Variants in FRMD4A observed in about 807,000 individuals in gnomAD.
FRMD4A encodes the protein FERM domain containing 4A, also known as FERM domain-containing protein 4A.
A neutral mutation model predicts 129.1 loss-of-function variants in FRMD4A; 29 were observed. That is an observed-to-expected ratio of 0.22 (90% CI 0.17 to 0.31). The LOEUF (loss-of-function observed/expected upper bound fraction) is 0.31, where lower values mean the gene tolerates loss of function less well. Ranked by LOEUF, FRMD4A falls within the 10% of genes least tolerant of loss-of-function variation. FRMD4A has a pLI of 1.00. For missense variants in FRMD4A, 1,272 were observed against 1,375.8 expected (o/e 0.92, Z 1.19); for synonymous variants, 634 against 571.6 (o/e 1.11, Z -1.56).
In FRMD4A at chr10:14,010,664, C is replaced by CTTTTTTTTTTTTTTTTTTTTTTTT. The variant is rs779471389; in HGVS notation, c.46-151776_46-151753dup. Among the ~76,000 whole-genome samples the CTTTTTTTTTTTTTTTTTTTTTTTT allele has an allele frequency of 7.9e-5, 6 of 76,428 alleles. 1 individual carries two copies. The East Asian group carries it at 2.6e-3, about 33-fold the overall frequency. 50.1% of individuals were successfully genotyped at this position (76,428 alleles called of 152,430 possible). On this transcript the variant is annotated intron_variant, in intron 2 of 24. Coordinates refer to ENST00000357447, the MANE Select transcript of FRMD4A (RefSeq NM_018027.5). ...TCAAAATTAATTGTCGAGTTTAGGT[C>CTTTTTTTTTTTTTTTTTTTTTTTT]TTTTTTTTTTTTTTTTTTTTTTTTA...
chr10:13,805,756 ATAG>A (rs2130859843), intron 4 of FRMD4A, among the ~76,000 whole-genome samples: 1 of 152,082 alleles, frequency 6.6e-6, no homozygotes, highest in Non-Finnish European at 1.5e-5. Flanking sequence ...TGGTGCAATA[ATAG>A]CTCACTGCAG....
chr10:14,132,814 A>G (rs567223187), intron 2 of FRMD4A, among the ~76,000 whole-genome samples: 3 of 152,348 alleles, frequency 2.0e-5, no homozygotes, highest in African/African-American at 7.2e-5. Flanking sequence ...TGGGAGTCAC[A>G]CACGATGAAT....
At chr10:14,130,606 A>AC (rs1839193412) in intron 2 of FRMD4A, among the ~76,000 whole-genome samples, 2 of 152,152 alleles carry the variant, frequency 1.3e-5, no homozygotes, top group South Asian at 4.1e-4. Context: ...TTTGGTGTGT[A>AC]AAAAGCAGTC....
intron 3 of FRMD4A, among the ~76,000 whole-genome samples, chr10:13,847,054 T>C (rs765576019): frequency 3.2e-4 from 49 of 152,184 alleles, no homozygotes; most frequent in Non-Finnish European, 5.4e-4. Flanking sequence ...ATGTCATTGA[T>C]GGGCACAGAA....
rs542784935 is a variant in FRMD4A at position 13,805,328 on chromosome 10, G to A, written c.206+5486C>T. On this transcript the variant is annotated intron_variant, in intron 4 of 24. Coordinates refer to ENST00000357447, the MANE Select transcript of FRMD4A (RefSeq NM_018027.5). Reference sequence around the variant, plus strand: ...CAGCCCATATTATTAATTGGTATGTGAAAATAAATTCTAACTATACTTGTC... The same window carrying A: ...CAGCCCATATTATTAATTGGTATGTAAAAATAAATTCTAACTATACTTGTC... 2.0e-5 allele frequency among the ~76,000 whole-genome samples: 3 copies of A among 151,888 alleles called. No individual in the cohort carries two copies. The South Asian group carries it at 6.2e-4, about 32-fold the overall frequency.
intron 4 of FRMD4A, among the ~76,000 whole-genome samples, chr10:13,801,909 A>G (rs1196382543): frequency 2.7e-5 from 4 of 149,116 alleles, no homozygotes; most frequent in Non-Finnish European, 4.4e-5. Flanking sequence ...TCCTTAATAC[A>G]GTTTAACTAA....
chr10:13,728,408 A>G (rs546023734), intron 12 of FRMD4A, among the ~76,000 whole-genome samples: 1 of 145,340 alleles, frequency 6.9e-6, no homozygotes, highest in African/African-American at 2.5e-5. Flanking sequence ...CTGTCTCTGT[A>G]TCATCAGCAG....
chr10:13,644,910 C>T lies in FRMD4A; in HGVS notation c.*2128G>A, dbSNP rs1357389834. The T allele has an allele frequency of 6.6e-6, 1 of 152,240 alleles. No individual in the cohort carries two copies. Among genetic ancestry groups the T allele is most frequent in the Non-Finnish European group, 1.5e-5 (1 of 68,056 alleles). The allele number at this position is 152,240 out of a possible 1,614,324, so 9.4% of individuals were successfully genotyped here. The stretch of plus-strand genomic sequence containing the variant: ...AATAATGTAACCGGTATCTCTTTAT[C>T]CTGCAGGTGTACACTTAAAGCGTTC... On this transcript the variant is annotated 3_prime_UTR_variant, in exon 25 of 25. Coordinates refer to ENST00000357447, the MANE Select transcript of FRMD4A (RefSeq NM_018027.5).
intron 13 of FRMD4A, among the ~76,000 whole-genome samples, chr10:13,704,405 G>A (rs1261093460): frequency 6.6e-6 from 1 of 152,084 alleles, no homozygotes; most frequent in African/African-American, 2.4e-5. Context: ...TTCTTCCTCT[G>A]GGCTCCTCCA....
At chr10:13,703,474 G>A (rs1453127209) in intron 13 of FRMD4A, among the ~76,000 whole-genome samples, 1 of 152,126 alleles carries the variant, frequency 6.6e-6, no homozygotes, top group African/African-American at 2.4e-5. Flanking sequence ...GAGCCCATCG[G>A]CCCAGAAAGC....
intron 16 of FRMD4A, 124 bp downstream of exon 16, chr10:13,674,787 G>A: frequency 9.3e-7 from 1 of 1,081,064 alleles, no homozygotes; most frequent in Non-Finnish European, 1.4e-6. Flanking sequence ...CACTACCCTT[G>A]CCTTCTGTCA....
chr10:14,103,941 G>C (rs113630022), intron 2 of FRMD4A, among the ~76,000 whole-genome samples: 1 of 152,132 alleles, frequency 6.6e-6, no homozygotes, highest in African/African-American at 2.4e-5. Context: ...ATTACGTACC[G>C]TCAGCGATTC....
chr10:13,992,402 A>G (rs11258778), intron 2 of FRMD4A, among the ~76,000 whole-genome samples: 43,634 of 151,940 alleles, frequency 0.29, 7,384 homozygotes, highest in East Asian at 0.73. Flanking sequence ...GTTGGCTTGC[A>G]GGCTCACTGA....
intron 4 of FRMD4A, among the ~76,000 whole-genome samples, chr10:13,802,976 C>T (rs747781820): frequency 1.4e-4 from 21 of 152,060 alleles, no homozygotes; most frequent in Middle Eastern, 3.4e-3. Context: ...GGTGAAACCC[C>T]GTCTCTACTA....
At chr10:14,307,874 G>A (rs1222832979) in intron 2 of FRMD4A, among the ~76,000 whole-genome samples, 1 of 152,172 alleles carries the variant, frequency 6.6e-6, no homozygotes, top group Admixed American at 6.5e-5. Context: ...CTCTAGCCCT[G>A]GGTCCTAGTT....
At chr10:14,189,955 C>T (rs17154811) in intron 2 of FRMD4A, among the ~76,000 whole-genome samples, 20,302 of 152,162 alleles carry the variant, frequency 0.13, 1,448 homozygotes, top group Middle Eastern at 0.21. Context: ...CTTCATAGGG[C>T]GCTCTCTGAC....
intron 3 of FRMD4A, among the ~76,000 whole-genome samples, chr10:13,820,943 C>T (rs1389326576): frequency 6.6e-6 from 1 of 152,126 alleles, no homozygotes; most frequent in East Asian, 1.9e-4. Flanking sequence ...CAGGAGGGGC[C>T]GGGGTTAGCT....
chr10:13,930,580 G>A (rs1261950435), intron 2 of FRMD4A, among the ~76,000 whole-genome samples: 1 of 152,142 alleles, frequency 6.6e-6, no homozygotes, highest in Admixed American at 6.5e-5. Context: ...CTAATCTACT[G>A]TAAAACCCAG....
intron 2 of FRMD4A, among the ~76,000 whole-genome samples, chr10:14,325,052 G>T (rs1408621941): frequency 6.6e-6 from 1 of 152,228 alleles, no homozygotes; most frequent in Non-Finnish European, 1.5e-5. Context: ...ATAGGAAGAT[G>T]TCCTGCCTAA....
Sources: gnomAD v4.1 joint callset for allele counts (sites outside exome capture counted in the v4.1 genomes callset) on GRCh38, gnomAD v4.1.1 for gene constraint, MANE v1.5 for transcripts, NCBI Gene and HGNC (gene_info 2026-07-23, HGNC 2026-07-21) for gene names.